The following RNGTT variants were observed in gnomAD, a reference collection of about 807,000 sequenced individuals.
RNGTT encodes the protein RNA guanylyltransferase and 5'-phosphatase.
RNGTT carries 33 observed loss-of-function variants against 79.3 expected under a neutral mutation model. The ratio of observed to expected loss-of-function variants is 0.42; its 90% CI spans 0.32 to 0.56. The LOEUF (loss-of-function observed/expected upper bound fraction) is 0.56. Among genes scored for constraint, RNGTT ranks in the 20% least tolerant of loss-of-function variants. The pLI is 0.17. For missense variants in RNGTT, 497 were observed against 739.1 expected, an observed-to-expected ratio of 0.67 and a Z score of 3.80; for synonymous variants, 222 against 235.9, an observed-to-expected ratio of 0.94 and a Z score of 0.54.
chr6:88,806,953 AG>A (rs1352164489), intron 11 of RNGTT, among the ~76,000 whole-genome samples: 29 of 152,226 alleles, frequency 1.9e-4, no homozygotes, highest in African/African-American at 6.5e-4. Context: ...ACATGGATGG[AG>A]CTGGAAGCCA....
At chr6:88,921,098 T>C (rs1268538576) in intron 4 of RNGTT, among the ~76,000 whole-genome samples, 1 of 152,180 alleles carries the variant, frequency 6.6e-6, no homozygotes, top group Non-Finnish European at 1.5e-5. Context: ...TTAAGTAGTC[T>C]TAGGATCTGA....
intron 11 of RNGTT, among the ~76,000 whole-genome samples, chr6:88,803,518 A>G (rs1027285184): frequency 6.9e-6 from 1 of 145,606 alleles, no homozygotes; most frequent in Non-Finnish European, 1.5e-5. Flanking sequence ...CGGAGGTTGC[A>G]GTGAGCCAAG....
At chr6:88,820,199 CTGATGATGATGATA>C (rs1780453435) in intron 11 of RNGTT, among the ~76,000 whole-genome samples, 1 of 152,034 alleles carries the variant, frequency 6.6e-6, no homozygotes, top group Non-Finnish European at 1.5e-5. Context: ...CAATATATTA[CTGATGATGATGATA>C]TGATGATGAT....
At chr6:88,927,726 CA>C (rs1258442027) in intron 4 of RNGTT, among the ~76,000 whole-genome samples, 1 of 150,172 alleles carries the variant, frequency 6.7e-6, no homozygotes, top group African/African-American at 2.5e-5. Context: ...CCCAGCTACT[CA>C]GGGGGCTGAG....
At chr6:88,771,569 T>C (rs1562244501) in intron 12 of RNGTT, among the ~76,000 whole-genome samples, 1 of 151,824 alleles carries the variant, frequency 6.6e-6, no homozygotes, top group Non-Finnish European at 1.5e-5. Flanking sequence ...GCTTGCCAAT[T>C]TCTATGAAAA....
At chr6:88,922,374 T>C (rs1052792630) in intron 4 of RNGTT, among the ~76,000 whole-genome samples, 21 of 152,144 alleles carry the variant, frequency 1.4e-4, no homozygotes, top group African/African-American at 4.8e-4. Flanking sequence ...GTCACAGACA[T>C]GTCATGTCAC....
At chr6:88,954,574 T>G (rs1398247495) in intron 1 of RNGTT, among the ~76,000 whole-genome samples, 1 of 151,892 alleles carries the variant, frequency 6.6e-6, no homozygotes, top group Non-Finnish European at 1.5e-5. Context: ...ACTAGACAGG[T>G]CATCAAGAGA....
chr6:88,716,651 G>A (rs1239563027), intron 13 of RNGTT, among the ~76,000 whole-genome samples: 1 of 152,146 alleles, frequency 6.6e-6, no homozygotes, highest in African/African-American at 2.4e-5. Context: ...AAAATGATGA[G>A]TTCATGTCCT....
intron 12 of RNGTT, among the ~76,000 whole-genome samples, chr6:88,770,433 T>C (rs1208609880): frequency 6.6e-6 from 1 of 152,214 alleles, no homozygotes; most frequent in Non-Finnish European, 1.5e-5. Context: ...AAACACTTTA[T>C]GTAAGATTTT....
chr6:88,737,377 G>A (rs1329291538), intron 13 of RNGTT, among the ~76,000 whole-genome samples: 1 of 152,136 alleles, frequency 6.6e-6, no homozygotes, highest in Admixed American at 6.6e-5. Context: ...ATGATATTTA[G>A]ATGAGACTTT....
chr6:88,963,507 C>T lies in RNGTT; in HGVS notation c.-98G>A, dbSNP rs543216589. ...CGGTGCACACCGGGGTCCGAGACAC[C>T]CGAATCGCAGCCGTAATCTGAATTC... On this transcript the variant is annotated 5_prime_UTR_variant, in exon 1 of 16. Coordinates refer to ENST00000369485, the MANE Select transcript of RNGTT (RefSeq NM_003800.5). 12 of 1,170,134 alleles carry T rather than the reference C, an allele frequency of 1.0e-5. No homozygotes were observed. The highest frequency in any genetic ancestry group is 1.4e-5 in the Non-Finnish European group (12 of 858,710). The allele number at this position is 1,170,134 out of a possible 1,614,324, so 72.5% of individuals were successfully genotyped here. A position where few individuals can be genotyped will look rare whatever the true frequency, so the allele number is the denominator to read the frequency against.
Position 88,762,760 on chromosome 6 carries a change from C to T in RNGTT, c.1439+7014G>A, listed in dbSNP as rs116529842. Among the ~76,000 whole-genome samples the T allele has an allele frequency of 2.4e-3, 366 of 152,224 alleles. 1 individual carries two copies. The highest frequency in any genetic ancestry group is 8.3e-3 in the African/African-American group (343 of 41,552). On this transcript the variant is annotated intron_variant, in intron 13 of 15. Transcript: ENST00000369485. ...TGTATTATGTCATTAAAGTCCCACA[C>T]GAGGTAGGCACTATTATCCACATAA...
intron 11 of RNGTT, among the ~76,000 whole-genome samples, chr6:88,829,731 G>A (rs1286115565): frequency 1.3e-5 from 2 of 150,890 alleles, no homozygotes; most frequent in Middle Eastern, 3.4e-3. Context: ...AAAACCAGGG[G>A]TTGCAATCCT....
At chr6:88,722,924 C>G (rs6454717) in intron 13 of RNGTT, among the ~76,000 whole-genome samples, 1 of 151,974 alleles carries the variant, frequency 6.6e-6, no homozygotes, top group Non-Finnish European at 1.5e-5. Context: ...GGGCTGCCAG[C>G]TGTACAAAAG....
At chr6:88,893,375 G>A (rs1783118121) in intron 6 of RNGTT, among the ~76,000 whole-genome samples, 1 of 152,002 alleles carries the variant, frequency 6.6e-6, no homozygotes. Context: ...GATTTCCTAT[G>A]CAAAGTTAAG....
At chr6:88,707,088 A>T (rs1776153491) in intron 13 of RNGTT, among the ~76,000 whole-genome samples, 1 of 152,184 alleles carries the variant, frequency 6.6e-6, no homozygotes, top group Non-Finnish European at 1.5e-5. Flanking sequence ...AGTAGGCAAA[A>T]ATTAGTCAAG....
chr6:88,910,679 A>G (rs547634747), intron 4 of RNGTT, among the ~76,000 whole-genome samples: 1 of 152,344 alleles, frequency 6.6e-6, no homozygotes, highest in African/African-American at 2.4e-5. Context: ...ACCATCATCA[A>G]GGCAGAGTCA....
In RNGTT at chr6:88,685,710, T is replaced by C. The variant is rs73752998; in HGVS notation, c.1440-7291A>G. On this transcript the variant is annotated intron_variant, in intron 13 of 15. Transcript: ENST00000369485. ...GATGGGGGGAAAGACTGTATTGTTA[T>C]AATGGCAGAAAAGGTATTTGAAAAA... Among the ~76,000 whole-genome samples, 384 of 152,190 alleles carry C rather than the reference T, an allele frequency of 2.5e-3. 3 individuals are homozygous for C. Among genetic ancestry groups the C allele is most frequent in the African/African-American group, 9.0e-3 (373 of 41,558 alleles).
At chr6:88,841,594 C>G (rs1225808774) in intron 11 of RNGTT, among the ~76,000 whole-genome samples, 1 of 152,156 alleles carries the variant, frequency 6.6e-6, no homozygotes, top group Non-Finnish European at 1.5e-5. Flanking sequence ...CTAAACCAGG[C>G]ATATAAAACA....
Sources: gnomAD v4.1 joint callset for allele counts (sites outside exome capture counted in the v4.1 genomes callset) on GRCh38, gnomAD v4.1.1 for gene constraint, MANE v1.5 for transcripts, NCBI Gene and HGNC (gene_info 2026-07-23, HGNC 2026-07-21) for gene names.